GRIN3A: variants seen among roughly 807,000 people sequenced by gnomAD.
The protein encoded by GRIN3A is glutamate ionotropic receptor NMDA type subunit 3A.
In GRIN3A, 47 loss-of-function variants were observed where a neutral mutation model predicts 92.4. The ratio of observed to expected loss-of-function variants is 0.51; its 90% CI spans 0.40 to 0.65. The LOEUF is 0.65. Ranked by LOEUF, GRIN3A falls within the 30% of genes least tolerant of loss-of-function variation. GRIN3A has a pLI of 0.00. For missense variants in GRIN3A, 1,324 were observed against 1,393.1 expected, an observed-to-expected ratio of 0.95 and a Z score of 0.79; for synonymous variants, 527 against 540.6, an observed-to-expected ratio of 0.97 and a Z score of 0.35.
chr9:101,660,420 G>A (rs10989586), intron 3 of GRIN3A, among the ~76,000 whole-genome samples: 51,097 of 151,596 alleles, frequency 0.34, 9,493 homozygotes, highest in Non-Finnish European at 0.42. Context: ...CTGGTCTCAT[G>A]TTGGCCACCT....
intron 3 of GRIN3A, among the ~76,000 whole-genome samples, chr9:101,655,766 A>T (rs1829082131): frequency 6.6e-6 from 1 of 151,960 alleles, no homozygotes; most frequent in South Asian, 2.1e-4. Flanking sequence ...GGAGGCAATG[A>T]AGGACTTTAC....
chr9:101,579,253 C>T lies in GRIN3A; in HGVS notation c.2874G>A (p.Leu958=). ...TTIGEHIVYR[L]LLPRIKNKSK... is the part of the protein sequence containing the mutation. The stretch of plus-strand genomic sequence containing the variant: ...ATTTGTTTTTGATTCGTGGTAGCAG[C>T]AGCCTGTATACTATGTGCTCACCAA... Residue 958 remains leucine (L), a synonymous_variant, in exon 7 of 9, where the codon CTG becomes CTA. Transcript: ENST00000361820. 2.5e-6 allele frequency: 4 copies of T among 1,613,986 alleles called. No individual in the cohort carries two copies. The highest frequency in any genetic ancestry group is 3.4e-6 in the Non-Finnish European group (4 of 1,179,902).
At chr9:101,620,454 C>G (rs1000268735) in intron 5 of GRIN3A, among the ~76,000 whole-genome samples, 4 of 152,170 alleles carry the variant, frequency 2.6e-5, no homozygotes, top group African/African-American at 9.7e-5. Context: ...AGTAGTTACA[C>G]TGAGTGTCAC....
At chr9:101,658,473 C>T (rs968189752) in intron 3 of GRIN3A, among the ~76,000 whole-genome samples, 2 of 151,690 alleles carry the variant, frequency 1.3e-5, no homozygotes, top group South Asian at 2.1e-4. Flanking sequence ...TCTTATTTGC[C>T]AATTGATTTA....
rs187602498 is a variant in GRIN3A at position 101,629,024 on chromosome 9, A to C, written c.2353-623T>G. Among the ~76,000 whole-genome samples, 160 of 151,438 alleles carry C rather than the reference A, an allele frequency of 1.1e-3. 1 individual carries two copies. The highest frequency in any genetic ancestry group is 3.8e-3 in the African/African-American group (156 of 40,762). On this transcript the variant is annotated intron_variant, in intron 3 of 8. Coordinates refer to ENST00000361820, the MANE Select transcript of GRIN3A (RefSeq NM_133445.3). ...TAAGAACTCACTGAATATGGTGACA[A>C]ATAACATATATTTGAAGATGAATTA...
intron 5 of GRIN3A, among the ~76,000 whole-genome samples, chr9:101,618,000 G>A (rs1392962789): frequency 6.6e-6 from 1 of 151,882 alleles, no homozygotes; most frequent in Non-Finnish European, 1.5e-5. Flanking sequence ...TGGCTGCATA[G>A]TATTCCATGG....
At chr9:101,691,041 A>G (rs1311214929) in intron 1 of GRIN3A, among the ~76,000 whole-genome samples, 1 of 152,136 alleles carries the variant, frequency 6.6e-6, no homozygotes, top group Non-Finnish European at 1.5e-5. Context: ...ATCACAGCAC[A>G]CCGTATTTTT....
At chr9:101,618,810 T>C (rs1828507147) in intron 5 of GRIN3A, among the ~76,000 whole-genome samples, 1 of 152,196 alleles carries the variant, frequency 6.6e-6, no homozygotes, top group Admixed American at 6.5e-5. Context: ...TTTGCTAGTG[T>C]TCATTGGTCA....
At chr9:101,729,135 G>A (rs1302667912) in intron 1 of GRIN3A, among the ~76,000 whole-genome samples, 2 of 152,146 alleles carry the variant, frequency 1.3e-5, no homozygotes, top group Non-Finnish European at 2.9e-5. Flanking sequence ...AAGTGTATAA[G>A]CTGAAATGGA....
At position 101,643,495 on chromosome 9, in the gene GRIN3A, T is replaced by C. The variant is rs541871951; in HGVS notation, c.2353-15094A>G. Among the ~76,000 whole-genome samples the C allele has an allele frequency of 2.6e-5, 4 of 152,076 alleles. No individual in the cohort carries two copies. In the South Asian group the frequency reaches 8.3e-4, roughly 32 times the overall value. The stretch of plus-strand genomic sequence containing the variant: ...CCATTATGGGAAACACCATGGAGTT[T>C]CCTCAAAAAACTAAAAATAGAACTG... On this transcript the variant is annotated intron_variant, in intron 3 of 8. Transcript: ENST00000361820.
chr9:101,589,336 T>C lies in GRIN3A; in HGVS notation c.2767-9976A>G, dbSNP rs562818197. ...ATACATTGCAATGAGTGAGATTACCTGGTCAAAGGATACAACTGTTCTGAT... is the reference window on the plus strand; with the variant it reads ...ATACATTGCAATGAGTGAGATTACCCGGTCAAAGGATACAACTGTTCTGAT... On this transcript the variant is annotated intron_variant, in intron 6 of 8. Transcript: ENST00000361820. Among the ~76,000 whole-genome samples, 3 of 152,336 alleles carry C rather than the reference T, an allele frequency of 2.0e-5. No individual in the cohort carries two copies. The South Asian group carries it at 6.2e-4, about 32-fold the overall frequency.
intron 1 of GRIN3A, among the ~76,000 whole-genome samples, chr9:101,697,319 G>T (rs1829697081): frequency 6.6e-6 from 1 of 152,134 alleles, no homozygotes; most frequent in Non-Finnish European, 1.5e-5. Flanking sequence ...AATCATGGTT[G>T]AAAGTAAAGA....
chr9:101,587,287 G>T (rs1827962324), intron 6 of GRIN3A, among the ~76,000 whole-genome samples: 1 of 147,878 alleles, frequency 6.8e-6, no homozygotes, highest in African/African-American at 2.5e-5. Flanking sequence ...TCCAGCCTGG[G>T]CAACAGAGCG....
chr9:101,664,803 A>C (rs1829217575), intron 3 of GRIN3A, among the ~76,000 whole-genome samples: 2 of 151,990 alleles, frequency 1.3e-5, no homozygotes, highest in African/African-American at 4.8e-5. Flanking sequence ...CAGTTTTATT[A>C]ATTGTGTTAA....
intron 6 of GRIN3A, among the ~76,000 whole-genome samples, chr9:101,598,620 A>G (rs140034256): frequency 1.3e-5 from 2 of 152,316 alleles, no homozygotes; most frequent in East Asian, 1.9e-4. Context: ...GTTAGTCAAT[A>G]TAATGTCATT....
At chr9:101,666,325 A>ATTAATTTAAATGTT (rs1476357961) in intron 3 of GRIN3A, among the ~76,000 whole-genome samples, 1 of 152,014 alleles carries the variant, frequency 6.6e-6, no homozygotes, top group Non-Finnish European at 1.5e-5. Flanking sequence ...AATGTTCAAA[A>ATTAATTTAAATGTT]CAGATTTAAA....
At chr9:101,631,575 G>A (rs1175652677) in intron 3 of GRIN3A, among the ~76,000 whole-genome samples, 6 of 152,134 alleles carry the variant, frequency 3.9e-5, no homozygotes, top group Non-Finnish European at 8.8e-5. Flanking sequence ...AGCATGGAAG[G>A]AATCAGGGAA....
Position 101,738,108 on chromosome 9 carries a change from A to G in GRIN3A, c.-129T>C. 1 of 830,518 alleles carries G rather than the reference A, an allele frequency of 1.2e-6. No homozygotes were observed. The highest frequency in any genetic ancestry group is 2.0e-6 in the Non-Finnish European group (1 of 505,532). The allele number at this position is 830,518 out of a possible 1,614,324, so 51.4% of individuals were successfully genotyped here. A position where few individuals can be genotyped will look rare whatever the true frequency, so the allele number is the denominator to read the frequency against. On this transcript the variant is annotated 5_prime_UTR_variant, in exon 1 of 9. Transcript: ENST00000361820. The stretch of plus-strand genomic sequence containing the variant: ...CTCCACTCGGTGAAGCGGTCCCAGG[A>G]GCTGGAGCGGTCTCTAGGCCATGCA...
chr9:101,603,583 A>G (rs142029982), intron 6 of GRIN3A, among the ~76,000 whole-genome samples: 2 of 152,306 alleles, frequency 1.3e-5, no homozygotes, highest in Non-Finnish European at 2.9e-5. Context: ...TAAGACTAGA[A>G]AAGATGTCCC....
Sources: allele counts gnomAD v4.1 joint callset (sites outside exome capture counted in the v4.1 genomes callset), GRCh38; gene constraint gnomAD v4.1.1; transcripts MANE v1.5; gene names NCBI Gene and HGNC (gene_info 2026-07-23, HGNC 2026-07-21).